The following CRADD variants were observed in gnomAD, a reference collection of about 807,000 sequenced individuals.
The protein encoded by CRADD is death domain-containing protein CRADD.
CRADD carries 9 observed loss-of-function variants against 15.5 expected under a neutral mutation model. The ratio of observed to expected loss-of-function variants is 0.58; its 90% confidence interval spans 0.35 to 1.01. The LOEUF is 1.01. Among genes scored for constraint, CRADD ranks in the 50% least tolerant of loss-of-function variants. The pLI, the probability that CRADD is intolerant of heterozygous loss-of-function variation, is 0.02. For missense variants in CRADD, 227 were observed against 250.3 expected (o/e 0.91, Z 0.63); for synonymous variants, 118 against 107.6 (o/e 1.10, Z -0.60).
intron 2 of CRADD, among the ~76,000 whole-genome samples, chr12:93,710,345 C>CTTT (rs34912218): frequency 2.2e-4 from 28 of 128,268 alleles, no homozygotes; most frequent in South Asian, 5.1e-4. Context: ...TTTCCTTTTC[C>CTTT]TTTTTTTTTT....
intron 2 of CRADD, among the ~76,000 whole-genome samples, chr12:93,843,143 G>A (rs1025676176): frequency 2.0e-5 from 3 of 152,124 alleles, no homozygotes; most frequent in African/African-American, 7.2e-5. Flanking sequence ...TGTGTTTGTG[G>A]TAAGGTAGGG....
At chr12:93,890,441 A>G (rs1367101378) in intron 2 of CRADD, among the ~76,000 whole-genome samples, 1 of 152,208 alleles carries the variant, frequency 6.6e-6, no homozygotes, top group Non-Finnish European at 1.5e-5. Flanking sequence ...CAATTTTTAA[A>G]TGTTGGCAAG....
At chr12:93,687,560 A>C (rs1422620895) in intron 2 of CRADD, among the ~76,000 whole-genome samples, 1 of 152,196 alleles carries the variant, frequency 6.6e-6, no homozygotes, top group African/African-American at 2.4e-5. Flanking sequence ...TCGTGAGGTC[A>C]TCTTAAATTG....
chr12:93,721,690 A>G (rs781562767), intron 2 of CRADD, among the ~76,000 whole-genome samples: 45 of 152,220 alleles, frequency 3.0e-4, no homozygotes, highest in Admixed American at 7.9e-4. Context: ...AAGATGATGT[A>G]TGTAGATTAA....
At chr12:93,771,749 G>T (rs1957087764) in intron 2 of CRADD, among the ~76,000 whole-genome samples, 1 of 152,166 alleles carries the variant, frequency 6.6e-6, no homozygotes, top group Non-Finnish European at 1.5e-5. Flanking sequence ...TGCATGGGAA[G>T]AACATAGAAA....
chr12:93,881,876 C>G (rs563302368), intron 2 of CRADD, among the ~76,000 whole-genome samples: 1 of 152,058 alleles, frequency 6.6e-6, no homozygotes, highest in Non-Finnish European at 1.5e-5. Context: ...CCTGTAATCC[C>G]AGCACTTTGG....
At chr12:93,697,964 TTC>T (rs1955750943) in intron 2 of CRADD, among the ~76,000 whole-genome samples, 1 of 152,222 alleles carries the variant, frequency 6.6e-6, no homozygotes, top group African/African-American at 2.4e-5. Flanking sequence ...GGTGTTCCTG[TTC>T]TCTCTGTGAT....
chr12:93,845,338 A>G (rs1402225015), intron 2 of CRADD, among the ~76,000 whole-genome samples: 1 of 152,236 alleles, frequency 6.6e-6, no homozygotes, highest in Non-Finnish European at 1.5e-5. Flanking sequence ...GCAGTTCTGG[A>G]CAGAGATGTT....
chr12:93,686,059 G>A (rs1299563923), intron 2 of CRADD, among the ~76,000 whole-genome samples: 1 of 151,328 alleles, frequency 6.6e-6, no homozygotes. Context: ...CTACACTTTG[G>A]GAGGCTGAGG....
At chr12:93,851,149 C>T (rs930117788), downstream of CRADD, among the ~76,000 whole-genome samples, 4 of 152,192 alleles carry the variant, frequency 2.6e-5, no homozygotes, top group African/African-American at 9.7e-5. Context: ...ATCAATAGCA[C>T]ATGGTGTTTA....
chr12:93,886,040 CATAAA>C (rs1408360890), intron 2 of CRADD, among the ~76,000 whole-genome samples: 1 of 151,344 alleles, frequency 6.6e-6, no homozygotes, highest in Non-Finnish European at 1.5e-5. Flanking sequence ...CTCTGCCTCA[CATAAA>C]ATAAAATAAG....
intron 2 of CRADD, among the ~76,000 whole-genome samples, chr12:93,697,244 T>G (rs985901664): frequency 2.0e-5 from 3 of 152,196 alleles, no homozygotes; most frequent in African/African-American, 7.2e-5. Flanking sequence ...AATTAAGTCA[T>G]AGGGGCTTTA....
intron 2 of CRADD, among the ~76,000 whole-genome samples, chr12:93,821,479 A>T (rs577114176): frequency 6.6e-6 from 1 of 152,172 alleles, no homozygotes; most frequent in South Asian, 2.1e-4. Flanking sequence ...AACCATAGCT[A>T]CCTCTCAGTG....
intron 2 of CRADD, among the ~76,000 whole-genome samples, chr12:93,875,751 C>T (rs1019322941): frequency 1.3e-5 from 2 of 152,072 alleles, no homozygotes; most frequent in Non-Finnish European, 2.9e-5. Context: ...CTATTTATAT[C>T]TTATTGTACT....
intron 2 of CRADD, among the ~76,000 whole-genome samples, chr12:93,713,151 A>G (rs1428396302): frequency 1.3e-5 from 2 of 152,148 alleles, no homozygotes; most frequent in South Asian, 2.1e-4. Context: ...TCAGGAGCCC[A>G]TGAGATTTAG....
downstream of CRADD, among the ~76,000 whole-genome samples, chr12:93,854,550 C>T (rs1172796871): frequency 2.6e-5 from 4 of 152,152 alleles, no homozygotes; most frequent in African/African-American, 7.2e-5. Flanking sequence ...AATTTGGGTC[C>T]GTTTCGTGCA....
chr12:93,713,936 C>T (rs10859561), intron 2 of CRADD, among the ~76,000 whole-genome samples: 81,266 of 151,966 alleles, frequency 0.53, 22,229 homozygotes, highest in East Asian at 0.67. Context: ...TAGAACTTGA[C>T]ACCTCTCTCA....
rs1413616124 is a variant in CRADD at position 93,839,052 on chromosome 12, C to T, written c.299-10918C>T. Among the ~76,000 whole-genome samples the T allele has an allele frequency of 3.9e-5, 6 of 152,130 alleles. No individual in the cohort carries two copies. In the South Asian group the frequency reaches 6.2e-4, roughly 16 times the overall value. Reference sequence around the variant, plus strand: ...CCTCCCAAAGTGTTGGGATTACAGGCGTGATCCATGGGTGCCCGGCCTGGA... The same window carrying T: ...CCTCCCAAAGTGTTGGGATTACAGGTGTGATCCATGGGTGCCCGGCCTGGA... On this transcript the variant is annotated intron_variant, in intron 2 of 2. Coordinates refer to ENST00000332896, the MANE Select transcript of CRADD (RefSeq NM_003805.5).
At chr12:93,810,749 C>G (rs919265433) in intron 2 of CRADD, among the ~76,000 whole-genome samples, 2 of 152,066 alleles carry the variant, frequency 1.3e-5, no homozygotes, top group Non-Finnish European at 2.9e-5. Flanking sequence ...TCAAGCCCAG[C>G]CCCAACAGTA....
Sources: gnomAD v4.1 joint callset for allele counts (sites outside exome capture counted in the v4.1 genomes callset) on GRCh38, gnomAD v4.1.1 for gene constraint, MANE v1.5 for transcripts, NCBI Gene and HGNC (gene_info 2026-07-23, HGNC 2026-07-21) for gene names.